Variants in PARD3 observed in about 807,000 individuals in gnomAD.
The protein encoded by PARD3 is par-3 family cell polarity regulator.
PARD3 carries 75 observed loss-of-function variants against 155.4 expected under a neutral mutation model. The observed-to-expected ratio is 0.48, with a 90% confidence interval of 0.40 to 0.58. The LOEUF is 0.58. Ranked by LOEUF, PARD3 falls within the 20% of genes least tolerant of loss-of-function variation. The pLI is 0.00. For synonymous variants in PARD3, 576 were observed against 610.5 expected, an observed-to-expected ratio of 0.94 and a Z score of 0.83; for missense variants, 1,642 against 1,721.7, an observed-to-expected ratio of 0.95 and a Z score of 0.82.
At chr10:34,129,676 CTTTTTTTTTGTAATGTCAAGCCTCTTT>C (rs1947486105) in intron 23 of PARD3, among the ~76,000 whole-genome samples, 2 of 119,928 alleles carry the variant, frequency 1.7e-5, no homozygotes, top group Non-Finnish European at 3.6e-5. Flanking sequence ...TCAAATGTTC[CTTTTTTTTTGTAATGTCAAGCCTCTTT>C]TTTTTTTTTT....
chr10:34,753,736 G>T (rs778039422), intron 1 of PARD3, among the ~76,000 whole-genome samples: 1 of 152,148 alleles, frequency 6.6e-6, no homozygotes, highest in African/African-American at 2.4e-5. Flanking sequence ...AAATCTTCTT[G>T]TATCTCTAGA....
At chr10:34,167,060 C>T (rs1310714209) in intron 22 of PARD3, among the ~76,000 whole-genome samples, 4 of 152,118 alleles carry the variant, frequency 2.6e-5, no homozygotes, top group East Asian at 1.9e-4. Context: ...TAAAGAGTTA[C>T]GCCTGCTGCA....
At chr10:34,693,052 C>T (rs1458677672) in intron 2 of PARD3, among the ~76,000 whole-genome samples, 2 of 152,052 alleles carry the variant, frequency 1.3e-5, no homozygotes, top group Non-Finnish European at 2.9e-5. Flanking sequence ...ACAATACATC[C>T]GTGTCGCGTG....
chr10:34,732,470 G>A (rs2094836420), intron 1 of PARD3, among the ~76,000 whole-genome samples: 1 of 152,196 alleles, frequency 6.6e-6, no homozygotes, highest in Admixed American at 6.5e-5. Context: ...AAGGTGGGAG[G>A]ACAGCTTGAG....
chr10:34,723,835 C>T (rs1400986819), intron 1 of PARD3, among the ~76,000 whole-genome samples: 1 of 152,174 alleles, frequency 6.6e-6, no homozygotes, highest in East Asian at 1.9e-4. Flanking sequence ...GGGATGGGGG[C>T]ACTTCTTTAG....
chr10:34,608,214 A>T (rs1254290790), intron 2 of PARD3, among the ~76,000 whole-genome samples: 1 of 152,198 alleles, frequency 6.6e-6, no homozygotes, highest in Non-Finnish European at 1.5e-5. Flanking sequence ...CTGGTAAAAC[A>T]TACTAGAATT....
intron 2 of PARD3, among the ~76,000 whole-genome samples, chr10:34,665,839 AAAG>A (rs2093440686): frequency 7.1e-6 from 1 of 140,922 alleles, no homozygotes; most frequent in African/African-American, 2.9e-5. Flanking sequence ...CGTCTCAATT[AAAG>A]AACAGAACAG....
Position 34,269,903 on chromosome 10 carries a change from T to C in PARD3, c.3177-4A>G, listed in dbSNP as rs774305030. On this transcript the variant is annotated splice_polypyrimidine_tract_variant and splice_region_variant and intron_variant, in intron 21 of 24. Transcript: ENST00000374788. ...TTCTCGAGTTTTGGCTTGAATCCTATGAAATCAGAACAAAGTTGAAATAAG... is the reference window on the plus strand; with the variant it reads ...TTCTCGAGTTTTGGCTTGAATCCTACGAAATCAGAACAAAGTTGAAATAAG... 41 of 1,612,910 alleles carry C rather than the reference T, an allele frequency of 2.5e-5. No individual in the cohort carries two copies. In the Admixed American group the frequency reaches 5.7e-4, roughly 22 times the overall value.
chr10:34,678,454 T>C (rs2093752698), intron 2 of PARD3, among the ~76,000 whole-genome samples: 1 of 152,230 alleles, frequency 6.6e-6, no homozygotes, highest in Non-Finnish European at 1.5e-5. Flanking sequence ...TAATTTGCTT[T>C]TATTCCATTA....
chr10:34,499,880 T>G (rs2080564050), intron 3 of PARD3, among the ~76,000 whole-genome samples: 1 of 152,198 alleles, frequency 6.6e-6, no homozygotes, highest in South Asian at 2.1e-4. Context: ...GCATATAACC[T>G]ACACACACCA....
chr10:34,703,782 T>C (rs1790728417), intron 1 of PARD3, among the ~76,000 whole-genome samples: 1 of 150,410 alleles, frequency 6.6e-6, no homozygotes, highest in African/African-American at 2.4e-5. Context: ...GGAAAAGGAG[T>C]CACAGCAATA....
intron 3 of PARD3, among the ~76,000 whole-genome samples, chr10:34,502,239 G>A (rs1310141189): frequency 1.3e-5 from 2 of 152,210 alleles, no homozygotes; most frequent in Non-Finnish European, 2.9e-5. Context: ...GTAGTCACAT[G>A]AGTCTTAAAC....
At chr10:34,625,278 G>A (rs2091924495) in intron 2 of PARD3, among the ~76,000 whole-genome samples, 1 of 152,214 alleles carries the variant, frequency 6.6e-6, no homozygotes, top group African/African-American at 2.4e-5. Flanking sequence ...GAACTCCTAT[G>A]AGTACAGTCG....
In PARD3 at chr10:34,141,730, C is replaced by T. The variant is rs377463503; in HGVS notation, c.3420-10147G>A. On this transcript the variant is annotated intron_variant, in intron 22 of 24. Coordinates refer to ENST00000374788, the MANE Select transcript of PARD3 (RefSeq NM_001184785.2). The stretch of plus-strand genomic sequence containing the variant: ...CAGGAGTAAGAAAAATTTAGTTTTA[C>T]TTTTTGAGGGGAAGTCCTCCAGCAA... Among the ~76,000 whole-genome samples, 654 of 152,222 alleles carry T rather than the reference C, an allele frequency of 4.3e-3. 6 individuals carry two copies. The highest frequency in any genetic ancestry group is 0.015 in the African/African-American group (632 of 41,550).
intron 20 of PARD3, among the ~76,000 whole-genome samples, chr10:34,298,462 G>A (rs529279058): frequency 6.6e-6 from 1 of 152,328 alleles, no homozygotes; most frequent in Non-Finnish European, 1.5e-5. Flanking sequence ...GATGAGCCTT[G>A]AGGACATTAT....
chr10:34,214,446 C>A (rs1338606189), intron 22 of PARD3, among the ~76,000 whole-genome samples: 1 of 152,038 alleles, frequency 6.6e-6, no homozygotes, highest in Non-Finnish European at 1.5e-5. Flanking sequence ...ACATAAGCAA[C>A]GTGGGGTGGT....
intron 2 of PARD3, among the ~76,000 whole-genome samples, chr10:34,606,988 AC>A (rs1299319751): frequency 1.5e-3 from 212 of 143,900 alleles, no homozygotes; most frequent in African/African-American, 5.0e-3. Flanking sequence ...AAAAAAAAAG[AC>A]AGCCAAACAC....
chr10:34,470,662 A>C (rs2078291092), intron 3 of PARD3, among the ~76,000 whole-genome samples: 1 of 152,206 alleles, frequency 6.6e-6, no homozygotes, highest in African/African-American at 2.4e-5. Flanking sequence ...TATAGTGTGT[A>C]CTCAGTAGAG....
At chr10:34,248,589 GT>G (rs34471123) in intron 22 of PARD3, among the ~76,000 whole-genome samples, 104,615 of 152,132 alleles carry the variant, frequency 0.69, 37,422 homozygotes, top group African/African-American at 0.9. Flanking sequence ...CAACATCCAA[GT>G]TAAGTGGCAG....
Sources: gnomAD v4.1 joint callset for allele counts (sites outside exome capture counted in the v4.1 genomes callset) on GRCh38, gnomAD v4.1.1 for gene constraint, MANE v1.5 for transcripts, NCBI Gene and HGNC (gene_info 2026-07-23, HGNC 2026-07-21) for gene names.